Variants in CCSER1 observed in about 807,000 individuals in gnomAD.
CCSER1 encodes the protein serine-rich coiled-coil domain-containing protein 1.
In CCSER1, 41 loss-of-function variants were observed where a neutral mutation model predicts 82.0. The ratio of observed to expected loss-of-function variants is 0.50; its 90% CI spans 0.39 to 0.65. CCSER1 has a LOEUF of 0.65. Among genes scored for constraint, CCSER1 ranks in the 30% least tolerant of loss-of-function variants. The probability of loss-of-function intolerance (pLI) is 0.00; values close to 1 mark genes in which losing one functional copy is unlikely to be tolerated. For missense variants in CCSER1, 1,119 were observed against 1,064.2 expected, an observed-to-expected ratio of 1.05 and a Z score of -0.72; for synonymous variants, 414 against 383.9, an observed-to-expected ratio of 1.08 and a Z score of -0.92.
intron 10 of CCSER1, among the ~76,000 whole-genome samples, chr4:91,234,440 C>T (rs1293610019): frequency 6.6e-6 from 1 of 151,956 alleles, no homozygotes; most frequent in African/African-American, 2.4e-5. Context: ...GGTTAACTAA[C>T]AAAACCGAAC....
At chr4:91,391,967 C>A (rs181628618) in intron 10 of CCSER1, among the ~76,000 whole-genome samples, 83 of 152,014 alleles carry the variant, frequency 5.5e-4, no homozygotes, top group African/African-American at 2.0e-3. Context: ...TACATACATA[C>A]AATACATATA....
chr4:91,278,913 C>A (rs915249564), intron 10 of CCSER1, among the ~76,000 whole-genome samples: 1 of 152,042 alleles, frequency 6.6e-6, no homozygotes, highest in Non-Finnish European at 1.5e-5. Flanking sequence ...TTCATTCCCA[C>A]GTGTAGAACT....
chr4:90,633,879 C>A lies in CCSER1; in HGVS notation c.1932+5647C>A, dbSNP rs141191942. Among the ~76,000 whole-genome samples the A allele has an allele frequency of 6.0e-3, 915 of 151,800 alleles. 4 individuals carry two copies. The highest frequency in any genetic ancestry group is 9.9e-3 in the Non-Finnish European group (670 of 67,700). ...AGATCAGTTTCTTTTTATTAAAATG[C>A]ACATTCATATTCCCAGCAACTTCAA... On this transcript the variant is annotated intron_variant, in intron 6 of 10. Coordinates refer to ENST00000509176, the MANE Select transcript of CCSER1 (RefSeq NM_001145065.2).
chr4:91,466,773 A>G (rs1271177018), intron 10 of CCSER1, among the ~76,000 whole-genome samples: 2 of 152,188 alleles, frequency 1.3e-5, no homozygotes, highest in African/African-American at 4.8e-5. Flanking sequence ...AAGAGAATAA[A>G]ATACCTAGGA....
chr4:90,417,469 A>G (rs1255406815), intron 4 of CCSER1, among the ~76,000 whole-genome samples: 1 of 146,746 alleles, frequency 6.8e-6, no homozygotes, highest in African/African-American at 2.6e-5. Flanking sequence ...GAGTTTTTAA[A>G]TTAAATTAAA....
At chr4:91,299,475 A>C (rs955744598) in intron 10 of CCSER1, among the ~76,000 whole-genome samples, 2 of 151,966 alleles carry the variant, frequency 1.3e-5, no homozygotes, top group African/African-American at 4.8e-5. Context: ...TACTTACACT[A>C]ATTTATTTAG....
chr4:90,619,626 G>A (rs1350000999), intron 5 of CCSER1, among the ~76,000 whole-genome samples: 1 of 151,954 alleles, frequency 6.6e-6, no homozygotes, highest in Non-Finnish European at 1.5e-5. Context: ...CAGTTTTAGT[G>A]CTCTGGGAAA....
rs531450866 is a variant in CCSER1, at chr4:90,255,734, A to G, written c.-41-52510A>G. Among the ~76,000 whole-genome samples the G allele has an allele frequency of 2.0e-5, 3 of 152,314 alleles. No homozygotes were observed. In the East Asian group the frequency reaches 5.8e-4, roughly 29 times the overall value. On this transcript the variant is annotated intron_variant, in intron 1 of 10. Transcript: ENST00000509176. ...GTTGCAATCATCCAAAGAGGTGTAAAAAAAACACAGTTAAAGCAAGAGAAG... is the reference window on the plus strand; with the variant it reads ...GTTGCAATCATCCAAAGAGGTGTAAGAAAAACACAGTTAAAGCAAGAGAAG...
At chr4:90,448,445 A>ATATG (rs1491455684) in intron 4 of CCSER1, among the ~76,000 whole-genome samples, 25 of 8,586 alleles carry the variant, frequency 2.9e-3, no homozygotes, top group Admixed American at 0.011. Context: ...GGTGAATTGA[A>ATATG]TATATATATA....
At chr4:91,585,102 C>G (rs1578856630) in intron 10 of CCSER1, among the ~76,000 whole-genome samples, 2 of 151,604 alleles carry the variant, frequency 1.3e-5, no homozygotes, top group East Asian at 1.9e-4. Context: ...ACAATGTAGA[C>G]AACTTACATA....
At chr4:90,479,444 A>G (rs547827752) in intron 5 of CCSER1, among the ~76,000 whole-genome samples, 1 of 152,210 alleles carries the variant, frequency 6.6e-6, no homozygotes, top group South Asian at 2.1e-4. Flanking sequence ...TTTGTTACAT[A>G]TATACATGTG....
chr4:90,983,339 A>T (rs1385326941), intron 9 of CCSER1, among the ~76,000 whole-genome samples: 3 of 151,666 alleles, frequency 2.0e-5, no homozygotes, highest in Non-Finnish European at 3.0e-5. Flanking sequence ...GTCTAATTTA[A>T]TTTTTTTCTC....
chr4:90,662,534 T>C (rs1731015836), intron 6 of CCSER1, among the ~76,000 whole-genome samples: 1 of 152,138 alleles, frequency 6.6e-6, no homozygotes, highest in East Asian at 1.9e-4. Context: ...TGTTTTTTAG[T>C]CTCATATACT....
At chr4:90,224,141 A>G (rs1247005819) in intron 1 of CCSER1, among the ~76,000 whole-genome samples, 3 of 152,228 alleles carry the variant, frequency 2.0e-5, no homozygotes, top group Non-Finnish European at 4.4e-5. Flanking sequence ...TAGAGATTTT[A>G]TATTTATCTG....
chr4:90,361,130 A>G (rs1745301235), intron 3 of CCSER1, among the ~76,000 whole-genome samples: 1 of 152,210 alleles, frequency 6.6e-6, no homozygotes, highest in South Asian at 2.1e-4. Context: ...ATGACAATCT[A>G]TATTTTTTCA....
At chr4:91,476,997 G>A (rs1296974002) in intron 10 of CCSER1, among the ~76,000 whole-genome samples, 1 of 151,618 alleles carries the variant, frequency 6.6e-6, no homozygotes, top group Non-Finnish European at 1.5e-5. Context: ...CCAGGACAGT[G>A]GTCTAGGCAA....
At chr4:90,322,261 G>A (rs1737293008) in intron 3 of CCSER1, among the ~76,000 whole-genome samples, 1 of 152,018 alleles carries the variant, frequency 6.6e-6, no homozygotes, top group African/African-American at 2.4e-5. Flanking sequence ...TATGTTATTG[G>A]CACTTTTGTT....
intron 10 of CCSER1, among the ~76,000 whole-genome samples, chr4:91,252,520 T>C (rs1171788558): frequency 6.6e-6 from 1 of 152,226 alleles, no homozygotes; most frequent in African/African-American, 2.4e-5. Flanking sequence ...GATTCAGAAA[T>C]ACCAATGTGA....
At chr4:90,405,350 A>C (rs941447691) in intron 4 of CCSER1, among the ~76,000 whole-genome samples, 1 of 152,130 alleles carries the variant, frequency 6.6e-6, no homozygotes, top group African/African-American at 2.4e-5. Context: ...ATCCTCCAAG[A>C]AGTTTGGCAC....
Sources: allele counts gnomAD v4.1 joint callset (sites outside exome capture counted in the v4.1 genomes callset), GRCh38; gene constraint gnomAD v4.1.1; transcripts MANE v1.5; gene names NCBI Gene and HGNC (gene_info 2026-07-23, HGNC 2026-07-21).